Variants in NOTCH2 observed in about 807,000 individuals in gnomAD.
NOTCH2 encodes neurogenic locus notch homolog protein 2.
NOTCH2 carries 29 observed loss-of-function variants against 235.8 expected under a neutral mutation model. The ratio of observed to expected loss-of-function variants is 0.12; its 90% CI spans 0.09 to 0.17. The LOEUF (loss-of-function observed/expected upper bound fraction) is 0.17, where lower values mean the gene tolerates loss of function less well. NOTCH2 is among the 10% of genes least tolerant of loss of function. The probability of loss-of-function intolerance (pLI) is 1.00; values close to 1 mark genes in which losing one functional copy is unlikely to be tolerated. For missense variants in NOTCH2, 2,285 were observed against 3,150.2 expected (o/e 0.73, Z 6.57); for synonymous variants, 1,086 against 1,141.5 (o/e 0.95, Z 0.98).
intron 33 of NOTCH2, 119 bp downstream of exon 33, chr1:119,917,546 A>C: frequency 1.3e-6 from 1 of 789,306 alleles, no homozygotes; most frequent in East Asian, 2.4e-5. Flanking sequence ...GTGTCTGCCC[A>C]AACTGCTTCC....
chr1:119,915,351 T>C lies in NOTCH2; in HGVS notation c.7371A>G (p.Thr2457=). 3.1e-6 allele frequency: 5 copies of C among 1,614,052 alleles called. No individual in the cohort carries two copies. The highest frequency in any genetic ancestry group is 4.2e-6 in the Non-Finnish European group (5 of 1,180,030). The change falls in exon 34 of 34, where the codon ACA becomes ACG. Residue 2457 remains threonine, a synonymous_variant. Coordinates refer to ENST00000256646, the MANE Select transcript of NOTCH2 (RefSeq NM_024408.4). ...TGTTGTGTGGTGGCTCAGACATGTG[T>C]GTCCCAGGTCCCCGCTGACCTCCTC... ...GAGGGQRGPG[T]HMSEPPHNNM...
chr1:119,949,438 G>A (rs1650382766), intron 15 of NOTCH2, among the ~76,000 whole-genome samples: 1 of 146,386 alleles, frequency 6.8e-6, no homozygotes, highest in South Asian at 2.2e-4. Context: ...TCAGGCTGGA[G>A]TGCAGTGATG....
intron 30 of NOTCH2, 38 bp downstream of exon 30, chr1:119,920,189 GAC>G: frequency 6.2e-7 from 1 of 1,611,668 alleles, no homozygotes; most frequent in Non-Finnish European, 8.5e-7. Flanking sequence ...ACCATGGGCA[GAC>G]ACAGCCCAGT....
chr1:119,937,904 T>G lies in NOTCH2; in HGVS notation c.3290A>C (p.Tyr1097Ser). The change falls in exon 20 of 34, where the codon TAT becomes TCT. Residue 1097 changes from tyrosine to serine, a missense_variant. Around this residue, in one of 6 missense-constraint regions of NOTCH2, gnomAD observed 1,173 missense variants for 1,515.3 expected, o/e 0.77. Transcript: ENST00000256646. ...CLCPSGWAGA[Y>S]CDVPNVSCDI... The stretch of plus-strand genomic sequence containing the variant: ...ACAAGAGACATTGGGCACGTCACAA[T>G]AGGCACCAGCCCATCCAGATGGACA... 1 of 1,614,208 alleles carries G rather than the reference T, an allele frequency of 6.2e-7. No homozygotes were observed. The highest frequency in any genetic ancestry group is 8.5e-7 in the Non-Finnish European group (1 of 1,180,046).
chr1:119,963,917 T>C (rs1423653207), intron 10 of NOTCH2, 110 bp from the exon 11 acceptor site: 18 of 930,224 alleles, frequency 1.9e-5, no homozygotes, highest in African/African-American at 8.1e-5. Context: ...TGTGGTCAAT[T>C]AATACTGCAG....
At chr1:119,981,360 C>A (rs1191034706) in intron 5 of NOTCH2, among the ~76,000 whole-genome samples, 2 of 152,176 alleles carry the variant, frequency 1.3e-5, no homozygotes, top group African/African-American at 4.8e-5. Context: ...TCTTCCTAGT[C>A]AATTTTACCA....
intron 3 of NOTCH2, among the ~76,000 whole-genome samples, chr1:120,004,672 G>C (rs1373352923): frequency 6.6e-6 from 1 of 152,116 alleles, no homozygotes; most frequent in Non-Finnish European, 1.5e-5. Flanking sequence ...TCTAGGGAGG[G>C]AGATTTCTAA....
intron 16 of NOTCH2, among the ~76,000 whole-genome samples, 193 bp downstream of exon 16, chr1:119,948,814 C>T (rs1570683696): frequency 6.6e-6 from 1 of 152,116 alleles, no homozygotes; most frequent in Non-Finnish European, 1.5e-5. Flanking sequence ...CGCTAGGGGG[C>T]CCCGAAGACA....
In NOTCH2 at chr1:119,915,210, C is replaced by T; in HGVS notation, c.*96G>A. On this transcript the variant is annotated 3_prime_UTR_variant, in exon 34 of 34. Transcript: ENST00000256646. ...CTTTCCTACCTCTAGAAGCTGGCTC[C>T]AGAGATTTCTTCATTTCTCTCCCGG... The T allele has an allele frequency of 7.8e-7, 1 of 1,290,108 alleles. No homozygotes were observed. The highest frequency in any genetic ancestry group is 1.1e-6 in the Non-Finnish European group (1 of 896,526). 79.9% of individuals were successfully genotyped at this position (1,290,108 alleles called of 1,614,324 possible).
intron 20 of NOTCH2, 84 bp from the exon 21 acceptor site, chr1:119,937,550 A>C (rs1649904132): frequency 1.5e-6 from 2 of 1,306,044 alleles, no homozygotes; most frequent in Non-Finnish European, 2.2e-6. Flanking sequence ...AGTAAATCTA[A>C]ACTGGCTGAC....
At chr1:119,996,258 C>T (rs1652441596) in intron 4 of NOTCH2, 1 of 194,122 alleles carries the variant, frequency 5.2e-6, no homozygotes, top group African/African-American at 2.4e-5. Context: ...CCCGACACTG[C>T]TCCTCTTTTT....
intron 31 of NOTCH2, 59 bp from the exon 32 acceptor site, chr1:119,918,612 T>G: frequency 1.9e-6 from 3 of 1,573,654 alleles, no homozygotes; most frequent in Non-Finnish European, 2.6e-6. Flanking sequence ...ATAATGAAAC[T>G]CAGTGAAGAA....
At chr1:120,001,463 G>A (rs1652747777) in intron 3 of NOTCH2, among the ~76,000 whole-genome samples, 2 of 152,278 alleles carry the variant, frequency 1.3e-5, no homozygotes, top group South Asian at 2.1e-4. Context: ...TTGTGCTCAT[G>A]CCCCAACTTC....
chr1:119,996,289 T>G (rs1240097929), intron 4 of NOTCH2: 1 of 231,954 alleles, frequency 4.3e-6, no homozygotes, highest in Non-Finnish European at 8.7e-6. Context: ...TTGGGTTGTG[T>G]GTGCACTCTA....
At chr1:120,002,448 T>C (rs1652797666) in intron 3 of NOTCH2, among the ~76,000 whole-genome samples, 2 of 151,686 alleles carry the variant, frequency 1.3e-5, no homozygotes, top group Non-Finnish European at 2.9e-5. Flanking sequence ...TTAAGGTCAA[T>C]GGGCAACTAC....
chr1:119,988,139 C>T (rs187321384), intron 4 of NOTCH2, among the ~76,000 whole-genome samples: 2 of 152,284 alleles, frequency 1.3e-5, no homozygotes, highest in African/African-American at 4.8e-5. Flanking sequence ...GGTGATACAG[C>T]AGTGAGTCCC....
chr1:119,969,190 T>G (rs1651267558), intron 6 of NOTCH2, among the ~76,000 whole-genome samples: 1 of 152,232 alleles, frequency 6.6e-6, no homozygotes, highest in African/African-American at 2.4e-5. Flanking sequence ...TATTAGCCAT[T>G]TTATCTTAAT....
At chr1:120,001,150 C>G (rs1652734408) in intron 3 of NOTCH2, among the ~76,000 whole-genome samples, 1 of 152,118 alleles carries the variant, frequency 6.6e-6, no homozygotes, top group East Asian at 1.9e-4. Flanking sequence ...CCTCCCCAGC[C>G]ATATGGAACT....
intron 17 of NOTCH2, among the ~76,000 whole-genome samples, chr1:119,946,997 A>ATTGTTTT (rs1553197115): frequency 6.6e-6 from 1 of 152,102 alleles, no homozygotes; most frequent in African/African-American, 2.4e-5. Flanking sequence ...ACAAAATTAA[A>ATTGTTTT]CTTGACTTTT....
Sources: allele counts gnomAD v4.1 joint callset (sites outside exome capture counted in the v4.1 genomes callset), GRCh38; gene constraint gnomAD v4.1.1; regional missense constraint gnomAD v4.1.1; transcripts MANE v1.5; gene names NCBI Gene and HGNC (gene_info 2026-07-23, HGNC 2026-07-21).